Variants in GRB14 observed in about 807,000 individuals in gnomAD.
GRB14 encodes growth factor receptor-bound protein 14.
A neutral mutation model predicts 69.1 loss-of-function variants in GRB14; 38 were observed. The observed-to-expected ratio is 0.55, with a 90% CI of 0.42 to 0.72. The LOEUF (loss-of-function observed/expected upper bound fraction) is 0.72, where lower values mean the gene tolerates loss of function less well. Ranked by LOEUF, GRB14 falls within the 30% of genes least tolerant of loss-of-function variation. The pLI is 0.00. For missense variants in GRB14, 666 were observed against 666.1 expected, an observed-to-expected ratio of 1.00 and a Z score of 0.00; for synonymous variants, 247 against 241.3, an observed-to-expected ratio of 1.02 and a Z score of -0.22.
chr2:164,492,659 G>T lies in GRB14; in HGVS notation c.*377C>A, dbSNP rs114524092. Among the ~76,000 whole-genome samples, 168 of 152,048 alleles carry T rather than the reference G, an allele frequency of 1.1e-3. No individual in the cohort carries two copies. The highest frequency in any genetic ancestry group is 3.9e-3 in the African/African-American group (164 of 41,532). On this transcript the variant is annotated 3_prime_UTR_variant, in exon 14 of 14. Coordinates refer to ENST00000263915, the MANE Select transcript of GRB14 (RefSeq NM_004490.3). ...AAAAATAGTATAATTGAAATTTAGTGCACAAATAATTATTCCTGACTCCCA... is the reference window on the plus strand; with the variant it reads ...AAAAATAGTATAATTGAAATTTAGTTCACAAATAATTATTCCTGACTCCCA...
chr2:164,499,609 C>G (rs563635363), intron 9 of GRB14, among the ~76,000 whole-genome samples: 40 of 152,140 alleles, frequency 2.6e-4, no homozygotes, highest in African/African-American at 9.2e-4. Flanking sequence ...AGAGAAGGCC[C>G]TAAAAAAGGG....
intron 2 of GRB14, among the ~76,000 whole-genome samples, chr2:164,617,500 G>C (rs1006873857): frequency 6.6e-6 from 1 of 151,908 alleles, no homozygotes; most frequent in Non-Finnish European, 1.5e-5. Flanking sequence ...ACTCTAGTCT[G>C]ATGACTATCC....
intron 2 of GRB14, among the ~76,000 whole-genome samples, chr2:164,596,638 C>A (rs1386818637): frequency 6.6e-6 from 1 of 152,102 alleles, no homozygotes; most frequent in Non-Finnish European, 1.5e-5. Flanking sequence ...ATAAAAATAG[C>A]AAATAGTTTA....
At chr2:164,555,311 A>G (rs983400292) in intron 2 of GRB14, among the ~76,000 whole-genome samples, 1 of 152,232 alleles carries the variant, frequency 6.6e-6, no homozygotes, top group African/African-American at 2.4e-5. Context: ...TGGATCTGCC[A>G]TGACTGGAAA....
At chr2:164,530,711 A>G (rs1024762533) in intron 3 of GRB14, among the ~76,000 whole-genome samples, 6 of 152,210 alleles carry the variant, frequency 3.9e-5, no homozygotes, top group African/African-American at 1.4e-4. Flanking sequence ...CTAATGCTGA[A>G]CAAGGAAAAG....
intron 2 of GRB14, among the ~76,000 whole-genome samples, chr2:164,592,968 T>A (rs1689702788): frequency 6.6e-6 from 1 of 152,214 alleles, no homozygotes; most frequent in South Asian, 2.1e-4. Flanking sequence ...AACATGTAGT[T>A]GCAAGTGTGC....
intron 2 of GRB14, among the ~76,000 whole-genome samples, chr2:164,603,672 AT>A (rs67836825): frequency 0.62 from 84,246 of 136,810 alleles, 26,017 homozygotes; most frequent in Non-Finnish European, 0.68. Context: ...CAAAAAAAAA[AT>A]ATATATATAT....
intron 2 of GRB14, among the ~76,000 whole-genome samples, chr2:164,576,987 G>A (rs1255835665): frequency 1.3e-5 from 2 of 151,906 alleles, no homozygotes; most frequent in Non-Finnish European, 2.9e-5. Flanking sequence ...AGAATCATAA[G>A]AGACTACTTC....
chr2:164,497,087 G>A lies in GRB14; in HGVS notation c.1303C>T (p.Arg435Trp), dbSNP rs776488093. The A allele has an allele frequency of 9.9e-6, 16 of 1,613,262 alleles. No individual in the cohort carries two copies. The highest frequency in any genetic ancestry group is 3.3e-4 in the Middle Eastern group (2 of 6,076). Residue 435 changes from arginine (R) to tryptophan (W), a missense_variant, in exon 12 of 14, where the codon CGG (arginine) becomes TGG (tryptophan). Coordinates refer to ENST00000263915, the MANE Select transcript of GRB14 (RefSeq NM_004490.3). ...QSSATNMAIH[R>W]SQPWFHHKIS... ...TTGTGGTGAAACCATGGCTGGGACC[G>A]GTGGATAGCTAAAGAAATAGGATGG...
At chr2:164,573,882 C>T in intron 2 of GRB14, 2 of 1,612,574 alleles carry the variant, frequency 1.2e-6, no homozygotes, top group East Asian at 2.3e-5. Context: ...AGACTGGATG[C>T]CAAGATTGAT....
intron 8 of GRB14, among the ~76,000 whole-genome samples, chr2:164,504,179 T>C (rs1053095844): frequency 6.6e-6 from 1 of 151,842 alleles, no homozygotes; most frequent in Admixed American, 6.6e-5. Context: ...ACTTTACATA[T>C]ATATAAAAGA....
At chr2:164,520,703 C>T (rs553659001) in intron 6 of GRB14, among the ~76,000 whole-genome samples, 2 of 151,560 alleles carry the variant, frequency 1.3e-5, no homozygotes, top group Middle Eastern at 3.4e-3. Context: ...CTGAAGACAT[C>T]AATAAAAAAC....
chr2:164,500,872 T>C (rs1039268118), intron 9 of GRB14, among the ~76,000 whole-genome samples: 6 of 152,094 alleles, frequency 3.9e-5, no homozygotes, highest in South Asian at 2.1e-4. Flanking sequence ...ATACCATACA[T>C]GTATGCTGAC....
intron 2 of GRB14, among the ~76,000 whole-genome samples, chr2:164,580,812 A>T (rs1689385357): frequency 6.6e-6 from 1 of 152,212 alleles, no homozygotes; most frequent in Non-Finnish European, 1.5e-5. Context: ...CTCAGCACCC[A>T]GGAATACTTA....
chr2:164,506,088 G>A (rs957660632), intron 8 of GRB14, among the ~76,000 whole-genome samples: 3 of 152,086 alleles, frequency 2.0e-5, no homozygotes, highest in African/African-American at 7.2e-5. Flanking sequence ...AAAACCACAA[G>A]AAATTTTCTC....
intron 4 of GRB14, 29 bp from the exon 5 acceptor site, chr2:164,525,107 C>A: frequency 1.5e-6 from 2 of 1,359,066 alleles, no homozygotes; most frequent in Non-Finnish European, 2.1e-6. Flanking sequence ...TAAATTATCA[C>A]AAAATTCATG....
At chr2:164,575,244 C>T (rs767777788) in intron 2 of GRB14, among the ~76,000 whole-genome samples, 9 of 152,060 alleles carry the variant, frequency 5.9e-5, no homozygotes, top group African/African-American at 1.7e-4. Flanking sequence ...ATAAAGGCAA[C>T]GGACAATGTT....
chr2:164,548,819 G>A (rs1405371265), intron 2 of GRB14, among the ~76,000 whole-genome samples: 1 of 152,000 alleles, frequency 6.6e-6, no homozygotes, highest in Non-Finnish European at 1.5e-5. Flanking sequence ...TGGTGATGTT[G>A]ACCACCTTTT....
intron 2 of GRB14, among the ~76,000 whole-genome samples, chr2:164,600,981 G>GA (rs34431716): frequency 1.4e-4 from 20 of 145,284 alleles, no homozygotes; most frequent in African/African-American, 2.3e-4. Context: ...CTTTCCAATG[G>GA]AAAAAAAAAA....
Sources: allele counts gnomAD v4.1 joint callset (sites outside exome capture counted in the v4.1 genomes callset), GRCh38; gene constraint gnomAD v4.1.1; transcripts MANE v1.5; gene names NCBI Gene and HGNC (gene_info 2026-07-23, HGNC 2026-07-21).